SCAF8: variants seen among roughly 807,000 people sequenced by gnomAD.
The protein encoded by SCAF8 is SR-related and CTD-associated factor 8.
SCAF8 carries 23 observed loss-of-function variants against 140.5 expected under a neutral mutation model. The observed-to-expected ratio is 0.16, with a 90% CI of 0.12 to 0.23. The LOEUF (loss-of-function observed/expected upper bound fraction) is 0.23. Ranked by LOEUF, SCAF8 falls within the 10% of genes least tolerant of loss-of-function variation. SCAF8 has a pLI of 1.00. For synonymous variants in SCAF8, 575 were observed against 528.9 expected (o/e 1.09, Z -1.20); for missense variants, 1,397 against 1,555.7 (o/e 0.90, Z 1.72).
intron 4 of SCAF8, among the ~76,000 whole-genome samples, chr6:154,790,720 C>T (rs1299399493): frequency 6.6e-6 from 1 of 151,872 alleles, no homozygotes; most frequent in African/African-American, 2.4e-5. Flanking sequence ...CCATGTTAGC[C>T]AAGATGGTCT....
In SCAF8 at chr6:154,792,803, A is replaced by G. The variant is rs1420303617; in HGVS notation, c.322-20A>G. On this transcript the variant is annotated intron_variant, in intron 4 of 19. Transcript: ENST00000367178. ...TTTTGAGAGTAAAAACCAAAATGTCATGTTTCTTTTTTTCTCTAGAGTAAA... is the reference window on the plus strand; with the variant it reads ...TTTTGAGAGTAAAAACCAAAATGTCGTGTTTCTTTTTTTCTCTAGAGTAAA... The G allele has an allele frequency of 4.5e-6, 7 of 1,555,354 alleles. No homozygotes were observed. In the African/African-American group the frequency reaches 6.9e-5, roughly 15 times the overall value.
intron 4 of SCAF8, among the ~76,000 whole-genome samples, chr6:154,790,637 A>G (rs551752848): frequency 5.3e-5 from 8 of 151,348 alleles, no homozygotes; most frequent in Non-Finnish European, 1.2e-4. Flanking sequence ...CAGCCTCCCA[A>G]GTAGCTGGGA....
chr6:154,803,008 G>A (rs1777813029), intron 7 of SCAF8, among the ~76,000 whole-genome samples: 1 of 152,108 alleles, frequency 6.6e-6, no homozygotes, highest in Non-Finnish European at 1.5e-5. Context: ...CTACTTGGAA[G>A]TGGTGTTCAT....
chr6:154,767,714 T>C (rs966584073), intron 1 of SCAF8, among the ~76,000 whole-genome samples: 1 of 151,884 alleles, frequency 6.6e-6, no homozygotes, highest in Non-Finnish European at 1.5e-5. Flanking sequence ...TTTTTTTGTA[T>C]GTTTTAGAGA....
At chr6:154,788,422 C>T (rs1777317839) in intron 4 of SCAF8, among the ~76,000 whole-genome samples, 1 of 152,158 alleles carries the variant, frequency 6.6e-6, no homozygotes, top group Non-Finnish European at 1.5e-5. Context: ...TTAAGTGGCA[C>T]AGGACTGTAT....
At chr6:154,801,568 T>C (rs2114898027) in intron 6 of SCAF8, among the ~76,000 whole-genome samples, 1 of 151,502 alleles carries the variant, frequency 6.6e-6, no homozygotes, top group East Asian at 1.9e-4. Context: ...TTAATGACTC[T>C]CCAACTTTCA....
At chr6:154,736,994 C>T (rs181067150) in intron 1 of SCAF8, among the ~76,000 whole-genome samples, 74 of 151,980 alleles carry the variant, frequency 4.9e-4, no homozygotes, top group Non-Finnish European at 2.5e-4. Context: ...CAAAACAATA[C>T]ATAATACTGT....
intron 13 of SCAF8, among the ~76,000 whole-genome samples, chr6:154,816,870 T>C (rs548957311): frequency 6.6e-6 from 1 of 152,296 alleles, no homozygotes; most frequent in African/African-American, 2.4e-5. Flanking sequence ...AAGAAGCTGG[T>C]TAAGTAATTC....
intron 1 of SCAF8, among the ~76,000 whole-genome samples, chr6:154,761,665 A>G (rs570572757): frequency 6.6e-6 from 1 of 152,266 alleles, no homozygotes; most frequent in East Asian, 1.9e-4. Flanking sequence ...AAAAATTCTG[A>G]TCACTCAAGA....
At chr6:154,817,318 A>G (rs909655928) in intron 13 of SCAF8, among the ~76,000 whole-genome samples, 3 of 152,182 alleles carry the variant, frequency 2.0e-5, no homozygotes, top group East Asian at 1.9e-4. Context: ...TTCCTGTTTG[A>G]TGATCGTATT....
At chr6:154,809,013 CCATAT>C (rs1233758612) in intron 11 of SCAF8, among the ~76,000 whole-genome samples, 2 of 152,040 alleles carry the variant, frequency 1.3e-5, no homozygotes, top group Non-Finnish European at 2.9e-5. Flanking sequence ...AGATTGGCAG[CCATAT>C]CATGAGACAG....
chr6:154,733,561 G>A lies in SCAF8; in HGVS notation c.-340G>A, dbSNP rs571645386. On this transcript the variant is annotated 5_prime_UTR_variant, in exon 1 of 20. Coordinates refer to ENST00000367178, the MANE Select transcript of SCAF8 (RefSeq NM_014892.5). ...AAGGGAGTGGAGAGTGTAGGGGAAG[G>A]GGCTAGAGGGAGGGGGACCGAAACG... 4 of 1,283,386 alleles carry A rather than the reference G, an allele frequency of 3.1e-6. No homozygotes were observed. Among genetic ancestry groups the A allele is most frequent in the African/African-American group, 3.1e-5 (2 of 64,664 alleles). 79.5% of individuals were successfully genotyped at this position (1,283,386 alleles called of 1,614,324 possible).
intron 10 of SCAF8, among the ~76,000 whole-genome samples, chr6:154,808,459 ATTTT>A (rs60459651): frequency 1.4e-5 from 2 of 147,336 alleles, no homozygotes; most frequent in African/African-American, 2.5e-5. Context: ...TGTTTTTGCG[ATTTT>A]TTTTTTTTTT....
At chr6:154,831,411 AAAT>A (rs950950844) in intron 19 of SCAF8, among the ~76,000 whole-genome samples, 50 of 152,254 alleles carry the variant, frequency 3.3e-4, no homozygotes, top group African/African-American at 1.1e-3. Flanking sequence ...TGTGTTGTCA[AAAT>A]AATACTGCAC....
At chr6:154,824,891 C>G (rs1778520184) in intron 17 of SCAF8, 1 of 151,600 alleles carries the variant, frequency 6.6e-6, no homozygotes, top group African/African-American at 2.4e-5. Flanking sequence ...TTGCAGTGAG[C>G]CAAGATCACA....
chr6:154,832,400 T>G lies in SCAF8; in HGVS notation c.2821T>G (p.Leu941Val). 1.2e-6 allele frequency: 2 copies of G among 1,614,122 alleles called. No individual in the cohort carries two copies. Among genetic ancestry groups the G allele is most frequent in the Non-Finnish European group, 1.7e-6 (2 of 1,180,010 alleles). The change falls in exon 20 of 20, where the codon TTA (leucine) becomes GTA (valine). Residue 941 changes from leucine to valine, a missense_variant. By Grantham distance (32) the Leu-to-Val change is conservative (BLOSUM62 1). This residue lies in a region of SCAF8 where 930 missense variants were observed against 874.6 expected (regional missense o/e 1.06). Transcript: ENST00000367178. ...IPQAPGPRFP[L>V]IQPGIPPQRG... ...ACAGGCACCTGGGCCAAGATTCCCT[T>G]TAATACAGCCTGGAATTCCACCCCA...
At chr6:154,805,277 A>C in intron 8 of SCAF8, 92 bp from the exon 9 acceptor site, 1 of 684,782 alleles carries the variant, frequency 1.5e-6, no homozygotes, top group Non-Finnish European at 2.5e-6. Context: ...TGTTTTATTG[A>C]ATTGACTTTT....
chr6:154,803,931 C>T (rs1206975388), intron 8 of SCAF8, among the ~76,000 whole-genome samples: 1 of 151,996 alleles, frequency 6.6e-6, no homozygotes, highest in Admixed American at 6.6e-5. Flanking sequence ...GGTTGGAATA[C>T]TAGGAATGAA....
chr6:154,795,269 C>T (rs1777567431), intron 6 of SCAF8, 130 bp downstream of exon 6: 2 of 667,324 alleles, frequency 3.0e-6, no homozygotes, highest in Non-Finnish European at 4.6e-6. Flanking sequence ...ATTATGTATA[C>T]TTTGTTACTT....
Sources: allele counts gnomAD v4.1 joint callset (sites outside exome capture counted in the v4.1 genomes callset), GRCh38; gene constraint gnomAD v4.1.1; regional missense constraint gnomAD v4.1.1; transcripts MANE v1.5; gene names NCBI Gene and HGNC (gene_info 2026-07-23, HGNC 2026-07-21).